NR2E1: variants seen among roughly 807,000 people sequenced by gnomAD.
NR2E1 encodes the protein nuclear receptor subfamily 2 group E member 1, also known as nuclear receptor TLX.
In NR2E1, 5 loss-of-function variants were observed where a neutral mutation model predicts 43.6. That is an observed-to-expected ratio of 0.11 (90% confidence interval 0.06 to 0.24). The LOEUF is 0.24. Among genes scored for constraint, NR2E1 ranks in the 10% least tolerant of loss-of-function variants. The pLI is 1.00. For synonymous variants in NR2E1, 191 were observed against 195.5 expected, an observed-to-expected ratio of 0.98 and a Z score of 0.19; for missense variants, 287 against 496.7, an observed-to-expected ratio of 0.58 and a Z score of 4.01.
At chr6:108,172,377 T>C (rs144163417) in intron 2 of NR2E1, among the ~76,000 whole-genome samples, 1 of 152,294 alleles carries the variant, frequency 6.6e-6, no homozygotes, top group East Asian at 1.9e-4. Flanking sequence ...GTTTTGGTCT[T>C]GAGTAGGCAG....
chr6:108,181,059 G>A lies in NR2E1; in HGVS notation c.889+103G>A, dbSNP rs1410217281. ...ACTGACCTTTGCAAAAAGAGGTGAT[G>A]GTTTTCAAGGGAGCTGATACTCTTA... On this transcript the variant is annotated intron_variant, in intron 7 of 8. Transcript: ENST00000368986. The A allele has an allele frequency of 5.0e-6, 6 of 1,211,776 alleles. No homozygotes were observed. The East Asian group carries it at 9.3e-5, about 19-fold the overall frequency. 75.1% of individuals were successfully genotyped at this position (1,211,776 alleles called of 1,614,324 possible). A position where few individuals can be genotyped will look rare whatever the true frequency, so the allele number is the denominator to read the frequency against.
chr6:108,169,871 C>T lies in NR2E1; in HGVS notation c.26-1587C>T, dbSNP rs536197974. 2.0e-5 allele frequency among the ~76,000 whole-genome samples: 3 copies of T among 152,248 alleles called. No homozygotes were observed. Among genetic ancestry groups the T allele is most frequent in the African/African-American group, 7.2e-5 (3 of 41,546 alleles). ...CGAATTCCCATGCTACTCTTTTTGACGGGTCACTGGTGGCTCTATAGGCAG... is the reference window on the plus strand; with the variant it reads ...CGAATTCCCATGCTACTCTTTTTGATGGGTCACTGGTGGCTCTATAGGCAG... On this transcript the variant is annotated intron_variant, in intron 1 of 8. Transcript: ENST00000368986. The surrounding 1 kb of genome is among the most constrained non-coding windows in gnomAD (Gnocchi z 6.1).
In NR2E1 at chr6:108,166,602, C is replaced by G; in HGVS notation, c.-164C>G. On this transcript the variant is annotated 5_prime_UTR_variant, in exon 1 of 9. Coordinates refer to ENST00000368986, the MANE Select transcript of NR2E1 (RefSeq NM_003269.5). The surrounding 1 kb of genome is among the most constrained non-coding windows in gnomAD (Gnocchi z 7.2). ...TTTCCACTGTTGGACGAATTCTGAG[C>G]GCCCAGGGAGCAGCGCAGCGCGCGA... 1.8e-6 allele frequency: 1 copy of G among 547,532 alleles called. No homozygotes were observed. The highest frequency in any genetic ancestry group is 2.6e-5 in the South Asian group (1 of 38,390). The allele number at this position is 547,532 out of a possible 1,614,324, so 33.9% of individuals were successfully genotyped here. A position where few individuals can be genotyped will look rare whatever the true frequency, so the allele number is the denominator to read the frequency against.
Position 108,166,850 on chromosome 6 carries a change from G to C in NR2E1, c.25+60G>C. ...GCGCAGCCTGGGGCGAGCGAGCGGGGAGGCTGGGGGAGGTCCTGCCTGGAG... is the reference window on the plus strand; with the variant it reads ...GCGCAGCCTGGGGCGAGCGAGCGGGCAGGCTGGGGGAGGTCCTGCCTGGAG... On this transcript the variant is annotated intron_variant, in intron 1 of 8. Transcript: ENST00000368986. The surrounding 1 kb of genome is among the most constrained non-coding windows in gnomAD (Gnocchi z 7.2). The C allele has an allele frequency of 6.7e-7, 1 of 1,503,508 alleles. No homozygotes were observed. The highest frequency in any genetic ancestry group is 9.0e-7 in the Non-Finnish European group (1 of 1,105,920). The allele number at this position is 1,503,508 out of a possible 1,614,324, so 93.1% of individuals were successfully genotyped here. A position where few individuals can be genotyped will look rare whatever the true frequency, so the allele number is the denominator to read the frequency against.
Position 108,185,198 on chromosome 6 carries a change from A to G in NR2E1, c.996-2103A>G, listed in dbSNP as rs1030777703. Among the ~76,000 whole-genome samples the G allele has an allele frequency of 2.6e-5, 4 of 152,334 alleles. No homozygotes were observed. In the South Asian group the frequency reaches 8.3e-4, roughly 32 times the overall value. On this transcript the variant is annotated intron_variant, in intron 8 of 8. Coordinates refer to ENST00000368986, the MANE Select transcript of NR2E1 (RefSeq NM_003269.5). The stretch of plus-strand genomic sequence containing the variant: ...CTCTAATTATCGAGGACGTAAGGAG[A>G]AGGCTAGGAATTGACATTCCACACA...
intron 2 of NR2E1, among the ~76,000 whole-genome samples, chr6:108,174,413 C>A (rs557028557): frequency 1.2e-3 from 180 of 152,246 alleles, no homozygotes; most frequent in African/African-American, 4.2e-3. Context: ...CAGCTCTTAA[C>A]GGAAGGAACT....
At chr6:108,168,300 C>G in intron 1 of NR2E1, 3 of 824,530 alleles carry the variant, frequency 3.6e-6, no homozygotes, top group Non-Finnish European at 5.5e-6. Context: ...GGCCTCCTAG[C>G]TCGCTCGCCC....
chr6:108,182,186 G>A lies in NR2E1; in HGVS notation c.995+535G>A, dbSNP rs980608310. ...GAACCTGGGAGGTGGAACTTGCAGT[G>A]AGCCGATATTGTGCCACTGCACTCC... On this transcript the variant is annotated intron_variant, in intron 8 of 8. Coordinates refer to ENST00000368986, the MANE Select transcript of NR2E1 (RefSeq NM_003269.5). 8.1e-5 allele frequency among the ~76,000 whole-genome samples: 12 copies of A among 148,788 alleles called. No homozygotes were observed. In the South Asian group the frequency reaches 2.1e-3, roughly 26 times the overall value.
At chr6:108,174,721 AGGG>A in intron 2 of NR2E1, 112 bp from the exon 3 acceptor site, 1 of 813,028 alleles carries the variant, frequency 1.2e-6, no homozygotes, top group Non-Finnish European at 2.1e-6. Flanking sequence ...TCGGGGCTCC[AGGG>A]CCTGCGGCCG....
rs1774091565 is a variant in NR2E1 at position 108,187,316 on chromosome 6, C to T, written c.1011C>T (p.Pro337=). 6.2e-7 allele frequency: 1 copy of T among 1,614,114 alleles called. No individual in the cohort carries two copies. The highest frequency in any genetic ancestry group is 1.7e-5 in the Admixed American group (1 of 60,010). The change falls in exon 9 of 9, where the codon CCC becomes CCT. Residue 337 remains proline (P), a synonymous_variant. Coordinates refer to ENST00000368986, the MANE Select transcript of NR2E1 (RefSeq NM_003269.5). The stretch of plus-strand genomic sequence containing the variant: ...CACATTCCAGATATCCCACTCAACC[C>T]TGTCGCTTTGGAAAACTCCTGTTGC... The part of the protein sequence containing the change: ...SYIHTRYPTQ[P]CRFGKLLLLL...
intron 2 of NR2E1, 103 bp from the exon 3 acceptor site, chr6:108,174,733 C>T (rs2114674661): frequency 3.2e-6 from 3 of 924,482 alleles, no homozygotes. Flanking sequence ...GGCCTGCGGC[C>T]GGGCAAGGTC....
intron 5 of NR2E1, among the ~76,000 whole-genome samples, chr6:108,179,492 C>G (rs891741937): frequency 7.6e-5 from 10 of 131,346 alleles, no homozygotes; most frequent in South Asian, 5.4e-4. Context: ...TAACCACTTC[C>G]TGTGTGTGTG....
intron 2 of NR2E1, among the ~76,000 whole-genome samples, chr6:108,174,061 T>G (rs1397886837): frequency 1.3e-5 from 2 of 152,232 alleles, no homozygotes; most frequent in Non-Finnish European, 2.9e-5. Context: ...GTTTACATGG[T>G]GAGCATTTCT....
chr6:108,167,898 A>T, intron 1 of NR2E1: 2 of 893,482 alleles, frequency 2.2e-6, no homozygotes, highest in Non-Finnish European at 3.4e-6. Flanking sequence ...AGTCTCACTT[A>T]AGTGGGATGC....
At chr6:108,178,296 C>T (rs1476770135) in intron 5 of NR2E1, 55 bp downstream of exon 5, 25 of 1,600,406 alleles carry the variant, frequency 1.6e-5, no homozygotes, top group East Asian at 2.2e-5. Context: ...AGCAGTAGCA[C>T]TCAGCCTTAT....
At position 108,169,629 on chromosome 6, in the gene NR2E1, C is replaced by CAGCGG. The variant is rs1026477988; in HGVS notation, c.26-1825_26-1821dup. On this transcript the variant is annotated intron_variant, in intron 1 of 8. Coordinates refer to ENST00000368986, the MANE Select transcript of NR2E1 (RefSeq NM_003269.5). This position sits in a 1 kb window ranked among gnomAD's most constrained non-coding sequence, Gnocchi z 6.1. Reference sequence around the variant, plus strand: ...TACCGCTTCCAGAGTGAGTGCAGTGCAGCGGAGCTCCAGACCCGGTTCCTG... The same window carrying CAGCGG: ...TACCGCTTCCAGAGTGAGTGCAGTGCAGCGGAGCGGAGCTCCAGACCCGGTTCCTG... 6.6e-6 allele frequency among the ~76,000 whole-genome samples: 1 copy of CAGCGG among 152,152 alleles called. No individual in the cohort carries two copies. Among genetic ancestry groups the CAGCGG allele is most frequent in the African/African-American group, 2.4e-5 (1 of 41,444 alleles).
At chr6:108,187,178 G>A in intron 8 of NR2E1, 123 bp from the exon 9 acceptor site, 1 of 1,157,212 alleles carries the variant, frequency 8.6e-7, no homozygotes. Context: ...TTGCTGCAGG[G>A]ATACTGTGTT....
chr6:108,176,307 G>A (rs1461007221), intron 3 of NR2E1, 196 bp from the exon 4 acceptor site: 8 of 602,212 alleles, frequency 1.3e-5, no homozygotes, highest in Non-Finnish European at 2.4e-5. Context: ...CTCAGCTTCC[G>A]AATCTATTCA....
chr6:108,175,685 G>A (rs1054467566), intron 3 of NR2E1, among the ~76,000 whole-genome samples: 9 of 152,200 alleles, frequency 5.9e-5, no homozygotes, highest in African/African-American at 1.9e-4. Flanking sequence ...ATGGGCTGGA[G>A]GACACCGTGG....
Sources: gnomAD v4.1 joint callset for allele counts (sites outside exome capture counted in the v4.1 genomes callset) on GRCh38, gnomAD v4.1.1 for gene constraint, Gnocchi (gnomAD v3.1) non-coding constraint, MANE v1.5 for transcripts, NCBI Gene and HGNC (gene_info 2026-07-23, HGNC 2026-07-21) for gene names.